Variants in ANGPT2 observed in about 807,000 individuals in gnomAD.
The protein encoded by ANGPT2 is angiopoietin 2.
In ANGPT2, 28 loss-of-function variants were observed where a neutral mutation model predicts 62.9. That is an observed-to-expected ratio of 0.44 (90% confidence interval 0.33 to 0.61). The LOEUF is 0.61. Among genes scored for constraint, ANGPT2 ranks in the 20% least tolerant of loss-of-function variants. The probability of loss-of-function intolerance (pLI) is 0.03; values close to 1 mark genes in which losing one functional copy is unlikely to be tolerated. For missense variants in ANGPT2, 727 were observed against 594.9 expected (o/e 1.22, Z -2.31); for synonymous variants, 284 against 207.8 (o/e 1.37, Z -3.15).
chr8:6,542,777 G>C (rs948342437), intron 1 of ANGPT2, among the ~76,000 whole-genome samples: 12 of 152,116 alleles, frequency 7.9e-5, no homozygotes, highest in Non-Finnish European at 1.3e-4. Flanking sequence ...GAGGTAGCAT[G>C]ATCATCTCTG....
chr8:6,519,774 T>G, intron 5 of ANGPT2, 90 bp downstream of exon 5: 1 of 1,495,418 alleles, frequency 6.7e-7, no homozygotes, highest in Non-Finnish European at 9.1e-7. Flanking sequence ...GGGAAGATCT[T>G]TGGGGAGAGA....
intron 1 of ANGPT2, among the ~76,000 whole-genome samples, chr8:6,547,428 A>T (rs970856757): frequency 6.6e-6 from 1 of 151,844 alleles, no homozygotes; most frequent in African/African-American, 2.4e-5. Flanking sequence ...CTTTCACTCC[A>T]CTGCCATAAG....
intron 7 of ANGPT2, among the ~76,000 whole-genome samples, chr8:6,509,860 G>C (rs1187138411): frequency 2.0e-5 from 3 of 152,174 alleles, no homozygotes; most frequent in African/African-American, 7.2e-5. Flanking sequence ...TGCACGCAGT[G>C]TCTGTTGTTC....
Position 6,546,837 on chromosome 8 carries a change from G to A in ANGPT2, c.289-14350C>T, listed in dbSNP as rs114583056. On this transcript the variant is annotated intron_variant, in intron 1 of 8. Coordinates refer to ENST00000629816, the MANE Select transcript of ANGPT2 (RefSeq NM_001118887.2). ...ATCTCTATGATTTGATATGTTTATC[G>A]GAAAGCGAGTAAGTCAAAAAGAACT... Among the ~76,000 whole-genome samples the A allele has an allele frequency of 5.0e-3, 765 of 152,208 alleles. 7 individuals carry two copies. Among genetic ancestry groups the A allele is most frequent in the African/African-American group, 0.017 (721 of 41,518 alleles).
chr8:6,546,539 C>T (rs1425920536), intron 1 of ANGPT2, among the ~76,000 whole-genome samples: 1 of 151,932 alleles, frequency 6.6e-6, no homozygotes, highest in Non-Finnish European at 1.5e-5. Flanking sequence ...AATAAAGGAT[C>T]TTTTTTTAAA....
intron 8 of ANGPT2, among the ~76,000 whole-genome samples, chr8:6,504,508 C>G (rs1261595616): frequency 3.9e-5 from 6 of 152,006 alleles, no homozygotes; most frequent in Non-Finnish European, 2.9e-5. Flanking sequence ...GATCGATTGT[C>G]ACAGTATCGC....
chr8:6,538,000 T>G (rs1405397702), intron 1 of ANGPT2, among the ~76,000 whole-genome samples: 3 of 152,148 alleles, frequency 2.0e-5, no homozygotes, highest in Non-Finnish European at 4.4e-5. Context: ...GACCTTGAAT[T>G]TTCTGGTAAA....
chr8:6,533,838 A>G (rs966523120), intron 1 of ANGPT2, among the ~76,000 whole-genome samples: 2 of 152,150 alleles, frequency 1.3e-5, no homozygotes, highest in Non-Finnish European at 2.9e-5. Flanking sequence ...TAACCACTAA[A>G]TAATTCTGTG....
chr8:6,544,932 T>G (rs1357288452), intron 1 of ANGPT2, among the ~76,000 whole-genome samples: 1 of 152,236 alleles, frequency 6.6e-6, no homozygotes, highest in Non-Finnish European at 1.5e-5. Context: ...GTTCTCACAA[T>G]GGAATTATTA....
chr8:6,520,110 G>T, intron 4 of ANGPT2, 119 bp from the exon 5 acceptor site: 1 of 1,149,180 alleles, frequency 8.7e-7, no homozygotes. Flanking sequence ...GTAAGCAAAA[G>T]GCTGTACCAC....
rs115448192 is a variant in ANGPT2 at position 6,513,204 on chromosome 8, C to T, written c.1196+474G>A. Among the ~76,000 whole-genome samples the T allele has an allele frequency of 9.9e-3, 1,503 of 152,144 alleles. 27 individuals carry two copies. Among genetic ancestry groups the T allele is most frequent in the African/African-American group, 0.034 (1,415 of 41,506 alleles). ...GAAGTTTCTTTTATATTGTTATAACCAAAGTTAGAATTTTAAACCCAGAGA... is the reference window on the plus strand; with the variant it reads ...GAAGTTTCTTTTATATTGTTATAACTAAAGTTAGAATTTTAAACCCAGAGA... On this transcript the variant is annotated intron_variant, in intron 7 of 8. Transcript: ENST00000629816.
intron 3 of ANGPT2, among the ~76,000 whole-genome samples, chr8:6,524,705 A>G (rs955206674): frequency 8.5e-5 from 13 of 152,252 alleles, no homozygotes; most frequent in Non-Finnish European, 1.8e-4. Context: ...TGGTCTTCAC[A>G]TCATCAAGCT....
At chr8:6,555,076 G>A (rs137944938) in intron 1 of ANGPT2, among the ~76,000 whole-genome samples, 45 of 152,034 alleles carry the variant, frequency 3.0e-4, no homozygotes, top group Middle Eastern at 6.8e-3. Context: ...TCCAACAAAT[G>A]GTTCATACTG....
At chr8:6,526,986 A>C (rs1007508752) in intron 3 of ANGPT2, among the ~76,000 whole-genome samples, 2 of 152,214 alleles carry the variant, frequency 1.3e-5, no homozygotes, top group Non-Finnish European at 2.9e-5. Context: ...TTTGAAGAGG[A>C]AACATTGGAT....
At chr8:6,523,623 G>A (rs1344760423) in intron 3 of ANGPT2, among the ~76,000 whole-genome samples, 5 of 152,166 alleles carry the variant, frequency 3.3e-5, no homozygotes, top group Middle Eastern at 6.8e-3. Flanking sequence ...GGAGTCTCGC[G>A]CTGTGGCCTG....
chr8:6,499,878 C>A lies in ANGPT2; in HGVS notation c.*3223G>T, dbSNP rs1338117510. 6.2e-7 allele frequency: 1 copy of A among 1,613,474 alleles called. No homozygotes were observed. The highest frequency in any genetic ancestry group is 8.5e-7 in the Non-Finnish European group (1 of 1,180,002). ...TGCTATGGTCTTTAGAATTGGGTCA[C>A]TGGATTTCTGAGGAGCCGTTCGAAC... On this transcript the variant is annotated 3_prime_UTR_variant, in exon 9 of 9. Coordinates refer to ENST00000629816, the MANE Select transcript of ANGPT2 (RefSeq NM_001118887.2).
intron 2 of ANGPT2, among the ~76,000 whole-genome samples, chr8:6,530,514 A>C (rs1364838791): frequency 1.0e-5 from 1 of 99,806 alleles, no homozygotes; most frequent in African/African-American, 5.6e-5. Flanking sequence ...GTCTCAAAAA[A>C]AAAAAAAAAA....
In ANGPT2 at chr8:6,562,854, G is replaced by T. The variant is rs779872359; in HGVS notation, c.81C>A (p.Asp27Glu). ...CCTGATATTGCTTCTTTCCTATGCTGTCCATGCTCTTCCGAAAGTTGTTAT... is the reference window on the plus strand; with the variant it reads ...CCTGATATTGCTTCTTTCCTATGCTTTCCATGCTCTTCCGAAAGTTGTTAT... ...AAYNNFRKSM[D>E]SIGKKQYQVQ... Residue 27 changes from aspartate (D) to glutamate (E), a missense_variant, in exon 1 of 9, where the codon GAC becomes GAA. Transcript: ENST00000629816. 1.2e-5 allele frequency: 19 copies of T among 1,613,250 alleles called. No homozygotes were observed. Among genetic ancestry groups the T allele is most frequent in the Non-Finnish European group, 1.5e-5 (18 of 1,179,390 alleles).
intron 7 of ANGPT2, among the ~76,000 whole-genome samples, chr8:6,510,622 A>G (rs1393735234): frequency 2.6e-5 from 4 of 152,234 alleles, no homozygotes; most frequent in Non-Finnish European, 2.9e-5. Flanking sequence ...ACTGAGGTTC[A>G]GAGATATAAA....
Sources: allele counts gnomAD v4.1 joint callset (sites outside exome capture counted in the v4.1 genomes callset), GRCh38; gene constraint gnomAD v4.1.1; transcripts MANE v1.5; gene names NCBI Gene and HGNC (gene_info 2026-07-23, HGNC 2026-07-21).